PSME4: variants seen among roughly 807,000 people sequenced by gnomAD.
PSME4 encodes the protein proteasome activator complex subunit 4.
In PSME4, 89 loss-of-function variants were observed where a neutral mutation model predicts 253.9. That is an observed-to-expected ratio of 0.35 (90% confidence interval 0.30 to 0.42). The LOEUF (loss-of-function observed/expected upper bound fraction) is 0.42. Ranked by LOEUF, PSME4 falls within the 10% of genes least tolerant of loss-of-function variation. PSME4 has a pLI of 1.00. For missense variants in PSME4, 2,014 were observed against 2,195.2 expected (o/e 0.92, Z 1.65); for synonymous variants, 851 against 759.2 (o/e 1.12, Z -1.99).
At chr2:53,888,039 C>G in intron 38 of PSME4, 50 bp from the exon 39 acceptor site, 3 of 1,551,768 alleles carry the variant, frequency 1.9e-6, no homozygotes, top group Non-Finnish European at 2.6e-6. Context: ...TCTGCCTTTA[C>G]ATATTGACAG....
chr2:53,870,247 G>A (rs1678804518), intron 43 of PSME4: 1 of 151,974 alleles, frequency 6.6e-6, no homozygotes, highest in South Asian at 2.1e-4. Flanking sequence ...TTTTATCATC[G>A]TCTGTCGAGT....
chr2:53,881,021 T>C (rs1679365329), intron 41 of PSME4, among the ~76,000 whole-genome samples: 1 of 152,208 alleles, frequency 6.6e-6, no homozygotes, highest in Non-Finnish European at 1.5e-5. Flanking sequence ...GTCTTTCTAA[T>C]GAAATTAAGA....
At chr2:53,936,717 GA>G (rs751701374) in intron 6 of PSME4, 46 bp downstream of exon 6, 408 of 1,156,596 alleles carry the variant, frequency 3.5e-4, no homozygotes, top group Admixed American at 7.2e-4. Context: ...GGGGAAAAAA[GA>G]AAAAAAAAAC....
At chr2:53,877,853 T>A (rs1225648523) in intron 41 of PSME4, among the ~76,000 whole-genome samples, 1 of 152,216 alleles carries the variant, frequency 6.6e-6, no homozygotes, top group Non-Finnish European at 1.5e-5. Context: ...CATTTCATAA[T>A]GCTGAGCTTT....
intron 8 of PSME4, chr2:53,933,010 C>T: frequency 2.4e-6 from 1 of 420,986 alleles, no homozygotes; most frequent in Non-Finnish European, 4.3e-6. Flanking sequence ...AAATACCTGT[C>T]AACTTAGGAT....
At chr2:53,919,798 A>C (rs1427611919) in intron 19 of PSME4, among the ~76,000 whole-genome samples, 1 of 151,738 alleles carries the variant, frequency 6.6e-6, no homozygotes, top group Non-Finnish European at 1.5e-5. Flanking sequence ...ATTTCTTGTT[A>C]AATACCTGTG....
intron 14 of PSME4, among the ~76,000 whole-genome samples, chr2:53,923,670 TTTAG>T (rs1420971798): frequency 6.6e-6 from 1 of 152,030 alleles, no homozygotes. Context: ...CACCTGTAAT[TTTAG>T]CACTTTGGGA....
At chr2:53,887,066 G>C (rs1243718388) in intron 40 of PSME4, among the ~76,000 whole-genome samples, 193 bp downstream of exon 40, 2 of 152,228 alleles carry the variant, frequency 1.3e-5, no homozygotes, top group Non-Finnish European at 2.9e-5. Context: ...GGATTCTAGA[G>C]ATAAATGGTG....
At chr2:53,934,918 G>A (rs939247889) in intron 7 of PSME4, among the ~76,000 whole-genome samples, 191 bp from the exon 8 acceptor site, 5 of 152,148 alleles carry the variant, frequency 3.3e-5, no homozygotes, top group Non-Finnish European at 4.4e-5. Flanking sequence ...CAGATGTGCT[G>A]TATGACACTC....
rs147766304 is a variant in PSME4 at position 53,919,155 on chromosome 2, T to C, written c.2512A>G (p.Asn838Asp). The C allele has an allele frequency of 1.8e-4, 290 of 1,611,096 alleles. 1 individual carries two copies. In the African/African-American group the frequency reaches 3.5e-3, roughly 19 times the overall value. ...LPPLKGEPVT[N>D]LVPSMVSLEE... ...AAAACAGTTATTTTTACTTACAAGT[T>C]AGTAACTGGCTCTCCTTTCAACGGA... The change falls in exon 20 of 47, where the codon AAC becomes GAC. Residue 838 changes from asparagine to aspartate, a missense_variant. By Grantham distance (23) the Asn-to-Asp change is conservative. Coordinates refer to ENST00000404125, the MANE Select transcript of PSME4 (RefSeq NM_014614.3).
chr2:53,948,442 A>C lies in PSME4; in HGVS notation c.479T>G (p.Leu160Arg). 4 of 1,610,874 alleles carry C rather than the reference A, an allele frequency of 2.5e-6. No individual in the cohort carries two copies. Among genetic ancestry groups the C allele is most frequent in the Non-Finnish European group, 3.4e-6 (4 of 1,177,144 alleles). Reference sequence around the variant, plus strand: ...TTACTTAGGAAACCAATTTAATCCTAGGTGCTCTGTCTTGGAATATAATAT... The same window carrying C: ...TTACTTAGGAAACCAATTTAATCCTCGGTGCTCTGTCTTGGAATATAATAT... ...ERILYSKTEH[L>R]GLNWFPNSVE... Residue 160 changes from leucine to arginine, a missense_variant, in exon 3 of 47, where the codon CTA becomes CGA. Physicochemically the swap from Leu to Arg is moderately radical, Grantham distance 102. Transcript: ENST00000404125.
intron 10 of PSME4, among the ~76,000 whole-genome samples, chr2:53,930,275 T>A (rs1361374768): frequency 6.6e-6 from 1 of 152,180 alleles, no homozygotes; most frequent in African/African-American, 2.4e-5. Context: ...CTACTAAGAA[T>A]TTAGCTCACT....
chr2:53,872,741 C>CAAAA (rs61308177), intron 43 of PSME4, among the ~76,000 whole-genome samples: 9 of 48,004 alleles, frequency 1.9e-4, no homozygotes, highest in African/African-American at 6.3e-4. Context: ...GACTTGGTCT[C>CAAAA]AAAAAAAAAA....
At chr2:53,964,439 T>C (rs1670625991) in intron 1 of PSME4, among the ~76,000 whole-genome samples, 2 of 152,314 alleles carry the variant, frequency 1.3e-5, no homozygotes, top group African/African-American at 2.4e-5. Flanking sequence ...TTTTTCCCCT[T>C]ATGGAAAATC....
intron 1 of PSME4, among the ~76,000 whole-genome samples, chr2:53,970,262 G>A (rs1002421455): frequency 6.6e-6 from 1 of 152,196 alleles, no homozygotes; most frequent in Non-Finnish European, 1.5e-5. Context: ...GGGCTACCCA[G>A]GGCCCCCCAG....
intron 14 of PSME4, among the ~76,000 whole-genome samples, chr2:53,923,998 T>C (rs1341039912): frequency 6.6e-6 from 1 of 150,614 alleles, no homozygotes; most frequent in Admixed American, 6.6e-5. Context: ...AAATTATACC[T>C]GGTGGAAGCA....
At chr2:53,892,784 T>G in intron 36 of PSME4, 24 bp downstream of exon 36, 1 of 1,596,338 alleles carries the variant, frequency 6.3e-7, no homozygotes, top group Non-Finnish European at 8.5e-7. Context: ...CAGGAAATGT[T>G]CTGTACAAAT....
chr2:53,871,348 T>C (rs1678865914), intron 43 of PSME4, among the ~76,000 whole-genome samples: 1 of 152,144 alleles, frequency 6.6e-6, no homozygotes, highest in Admixed American at 6.5e-5. Flanking sequence ...CATCCTGGGT[T>C]GATGCCATTC....
At chr2:53,964,750 T>TA (rs1466027208) in intron 1 of PSME4, among the ~76,000 whole-genome samples, 7 of 152,236 alleles carry the variant, frequency 4.6e-5, no homozygotes. Context: ...GGCCACTTAT[T>TA]ACTTTCCACA....
Sources: allele counts gnomAD v4.1 joint callset (sites outside exome capture counted in the v4.1 genomes callset), GRCh38; gene constraint gnomAD v4.1.1; transcripts MANE v1.5; gene names NCBI Gene and HGNC (gene_info 2026-07-23, HGNC 2026-07-21).